Variants in SRGAP1 observed in about 807,000 individuals in gnomAD.
The protein encoded by SRGAP1 is SLIT-ROBO Rho GTPase activating protein 1.
A neutral mutation model predicts 121.9 loss-of-function variants in SRGAP1; 43 were observed. The observed-to-expected ratio is 0.35, with a 90% CI of 0.28 to 0.46. The LOEUF (loss-of-function observed/expected upper bound fraction) is 0.46, where lower values mean the gene tolerates loss of function less well. Ranked by LOEUF, SRGAP1 falls within the 20% of genes least tolerant of loss-of-function variation. The pLI, the probability that SRGAP1 is intolerant of heterozygous loss-of-function variation, is 1.00. For missense variants in SRGAP1, 1,102 were observed against 1,350.9 expected (o/e 0.82, Z 2.89); for synonymous variants, 447 against 485.4 (o/e 0.92, Z 1.04).
At chr12:64,097,219 T>A in intron 14 of SRGAP1, 22 bp from the exon 15 acceptor site, 1 of 1,562,218 alleles carries the variant, frequency 6.4e-7, no homozygotes, top group East Asian at 2.2e-5. Flanking sequence ...GTTAATGTAA[T>A]GAGTTTTTTT....
intron 1 of SRGAP1, among the ~76,000 whole-genome samples, chr12:63,948,819 G>GTTTTCCATATATATATTCCATATATATA (rs1565963818): frequency 1.1e-4 from 12 of 112,802 alleles, no homozygotes; most frequent in Middle Eastern, 6.3e-3. Context: ...CCATATATAT[G>GTTTTCCATATATATATTCCATATATATA]TTTTCCATAT....
At chr12:63,881,193 T>A (rs1054516185) in intron 1 of SRGAP1, among the ~76,000 whole-genome samples, 1 of 152,202 alleles carries the variant, frequency 6.6e-6, no homozygotes, top group African/African-American at 2.4e-5. Context: ...CAATGGTGTG[T>A]GAACATATGA....
chr12:63,871,175 C>T (rs1899841010), intron 1 of SRGAP1, among the ~76,000 whole-genome samples: 1 of 152,212 alleles, frequency 6.6e-6, no homozygotes, highest in African/African-American at 2.4e-5. Flanking sequence ...TAATTTTCCT[C>T]CCAATTTCCC....
intron 4 of SRGAP1, among the ~76,000 whole-genome samples, chr12:64,020,947 C>CAAAA (rs11379937): frequency 1.5e-5 from 2 of 131,330 alleles, no homozygotes; most frequent in African/African-American, 2.8e-5. Flanking sequence ...TTCTGTCTCA[C>CAAAA]AAAAAAAAAA....
intron 1 of SRGAP1, among the ~76,000 whole-genome samples, chr12:63,859,173 A>T (rs996351605): frequency 6.6e-6 from 1 of 152,094 alleles, no homozygotes; most frequent in African/African-American, 2.4e-5. Flanking sequence ...TGAATCTTAA[A>T]GTAGTTTGTC....
At chr12:63,922,763 T>C (rs529774367) in intron 1 of SRGAP1, among the ~76,000 whole-genome samples, 12 of 152,360 alleles carry the variant, frequency 7.9e-5, no homozygotes, top group Non-Finnish European at 1.3e-4. Flanking sequence ...CTGTAAGCTC[T>C]TTGAGGGAAG....
chr12:63,990,214 G>A lies in SRGAP1; in HGVS notation c.426+142G>A, dbSNP rs140338505. ...ATAAACAGTTAAAAATTAGATGAAT[G>A]GATGTTTTAAAGACACGGAATAAAG... On this transcript the variant is annotated intron_variant, in intron 3 of 21. Coordinates refer to ENST00000355086, the MANE Select transcript of SRGAP1 (RefSeq NM_020762.4). 4.0e-5 allele frequency: 28 copies of A among 701,612 alleles called. No homozygotes were observed. The East Asian group carries it at 7.2e-4, about 18-fold the overall frequency. 43.5% of individuals were successfully genotyped at this position (701,612 alleles called of 1,614,324 possible). A position where few individuals can be genotyped will look rare whatever the true frequency, so the allele number is the denominator to read the frequency against.
chr12:64,019,132 CA>C (rs879611228), intron 4 of SRGAP1, among the ~76,000 whole-genome samples: 30 of 152,202 alleles, frequency 2.0e-4, no homozygotes, highest in Non-Finnish European at 3.7e-4. Context: ...ACAACAGTGG[CA>C]AAGATGAACT....
chr12:63,889,982 C>CT (rs1168232689), intron 1 of SRGAP1, among the ~76,000 whole-genome samples: 3 of 151,910 alleles, frequency 2.0e-5, no homozygotes, highest in Admixed American at 2.0e-4. Flanking sequence ...CATTCATTTG[C>CT]TTTATCTGTT....
chr12:64,032,804 G>A (rs1269317466), intron 4 of SRGAP1: 2 of 186,614 alleles, frequency 1.1e-5, no homozygotes, highest in Non-Finnish European at 2.2e-5. Flanking sequence ...CCATCTAAAT[G>A]TATGAGTATC....
chr12:64,093,679 G>A (rs1330809109), intron 12 of SRGAP1, among the ~76,000 whole-genome samples: 1 of 152,008 alleles, frequency 6.6e-6, no homozygotes, highest in Non-Finnish European at 1.5e-5. Context: ...ACACTAAAAT[G>A]CGTTTTTATT....
intron 1 of SRGAP1, among the ~76,000 whole-genome samples, chr12:63,859,235 A>G (rs1490265147): frequency 6.6e-6 from 1 of 151,982 alleles, no homozygotes; most frequent in Non-Finnish European, 1.5e-5. Flanking sequence ...TCAGTGGCTC[A>G]TTGCAACCGC....
In SRGAP1 at chr12:63,984,134, A is replaced by G. The variant is rs1289022684; in HGVS notation, c.255A>G (p.Gln85=). The part of the protein sequence containing the change: ...MAKTRSTKDH[Q]QYKKDQNLLS... ...AAACAAGAAGCACTAAGGATCATCA[A>G]CAATACAAGTAAGAGATTTGAATCT... Residue 85 remains glutamine, a synonymous_variant, in exon 2 of 22, where the codon CAA becomes CAG. Transcript: ENST00000355086. 7 of 1,470,732 alleles carry G rather than the reference A, an allele frequency of 4.8e-6. No homozygotes were observed. Among genetic ancestry groups the G allele is most frequent in the African/African-American group, 1.4e-5 (1 of 70,920 alleles). The allele number at this position is 1,470,732 out of a possible 1,614,324, so 91.1% of individuals were successfully genotyped here.
intron 8 of SRGAP1, among the ~76,000 whole-genome samples, chr12:64,074,621 T>G (rs888244374): frequency 6.6e-6 from 1 of 152,204 alleles, no homozygotes; most frequent in Admixed American, 6.5e-5. Context: ...ATTTATCTTT[T>G]GAATGGCACC....
chr12:63,882,554 G>C (rs1900228663), intron 1 of SRGAP1, among the ~76,000 whole-genome samples: 1 of 152,148 alleles, frequency 6.6e-6, no homozygotes, highest in Non-Finnish European at 1.5e-5. Context: ...AAAGTGCTGG[G>C]ATTACAGGCG....
intron 3 of SRGAP1, among the ~76,000 whole-genome samples, chr12:63,995,016 C>T (rs2033655949): frequency 1.3e-5 from 2 of 152,158 alleles, no homozygotes; most frequent in South Asian, 4.1e-4. Flanking sequence ...TATTTAAGCA[C>T]CTAATCACAA....
intron 7 of SRGAP1, among the ~76,000 whole-genome samples, chr12:64,064,631 T>C (rs2035505867): frequency 6.6e-6 from 1 of 152,174 alleles, no homozygotes; most frequent in Non-Finnish European, 1.5e-5. Flanking sequence ...TTCTACAGAT[T>C]AGGAAACTGA....
chr12:64,017,654 C>CAAAAA (rs1184835216), intron 4 of SRGAP1, among the ~76,000 whole-genome samples: 2 of 109,320 alleles, frequency 1.8e-5, no homozygotes, highest in Admixed American at 2.0e-4. Flanking sequence ...GACTCTATCT[C>CAAAAA]AAAAAAAAAA....
chr12:63,911,631 A>G (rs2030509917), intron 1 of SRGAP1, among the ~76,000 whole-genome samples: 1 of 152,212 alleles, frequency 6.6e-6, no homozygotes, highest in Non-Finnish European at 1.5e-5. Context: ...AAGTGGCACC[A>G]CGTTGCTAAT....
Sources: allele counts gnomAD v4.1 joint callset (sites outside exome capture counted in the v4.1 genomes callset), GRCh38; gene constraint gnomAD v4.1.1; transcripts MANE v1.5; gene names NCBI Gene and HGNC (gene_info 2026-07-23, HGNC 2026-07-21).